HECW1: variants seen among roughly 807,000 people sequenced by gnomAD.
HECW1 encodes the protein HECT, C2 and WW domain containing E3 ubiquitin protein ligase 1.
HECW1 carries 61 observed loss-of-function variants against 182.3 expected under a neutral mutation model. The observed-to-expected ratio is 0.33, with a 90% CI of 0.27 to 0.41. The LOEUF (loss-of-function observed/expected upper bound fraction) is 0.41. HECW1 is among the 10% of genes least tolerant of loss of function. The pLI is 1.00. For missense variants in HECW1, 1,739 were observed against 2,108.9 expected, an observed-to-expected ratio of 0.82 and a Z score of 3.44; for synonymous variants, 859 against 832.6, an observed-to-expected ratio of 1.03 and a Z score of -0.55.
At chr7:43,549,387 A>T (rs1304106821) in intron 26 of HECW1, among the ~76,000 whole-genome samples, 3 of 152,204 alleles carry the variant, frequency 2.0e-5, no homozygotes, top group Admixed American at 6.5e-5. Context: ...TTGTTTAGGT[A>T]CCTGTGTCCA....
chr7:43,411,094 G>A (rs1584808305), intron 8 of HECW1, among the ~76,000 whole-genome samples: 2 of 146,016 alleles, frequency 1.4e-5, no homozygotes, highest in African/African-American at 5.1e-5. Context: ...CTTGCTTTTA[G>A]ACTTACATTT....
rs1799132462 is a variant in HECW1, at chr7:43,244,031, G to T, written c.27+99G>T. ...TGTGCCTCAGCCTAGGGCCATTGCG[G>T]TTGCCCAGCCCAGGAATTATCTCAA... On this transcript the variant is annotated intron_variant, in intron 3 of 29. Coordinates refer to ENST00000395891, the MANE Select transcript of HECW1 (RefSeq NM_015052.5). 3.1e-6 allele frequency: 3 copies of T among 960,446 alleles called. No individual in the cohort carries two copies. In the African/African-American group the frequency reaches 4.8e-5, roughly 15 times the overall value. 59.5% of individuals were successfully genotyped at this position (960,446 alleles called of 1,614,324 possible).
At chr7:43,557,502 A>G (rs2082068088) in intron 29 of HECW1, among the ~76,000 whole-genome samples, 1 of 152,246 alleles carries the variant, frequency 6.6e-6, no homozygotes, top group Non-Finnish European at 1.5e-5. Flanking sequence ...TCATAGTTGA[A>G]GTAGATGAGA....
intron 15 of HECW1, 28 bp downstream of exon 15, chr7:43,466,596 G>A (rs749267968): frequency 4.6e-5 from 74 of 1,605,520 alleles, no homozygotes; most frequent in East Asian, 8.9e-5. Flanking sequence ...CAGAGGGGGC[G>A]GCCTGGCTCG....
intron 3 of HECW1, among the ~76,000 whole-genome samples, chr7:43,296,141 A>G (rs1806019031): frequency 6.6e-6 from 1 of 152,246 alleles, no homozygotes; most frequent in Admixed American, 6.5e-5. Flanking sequence ...GAATTCTTCT[A>G]CTATAATAGT....
chr7:43,194,718 G>A (rs1406266143), intron 2 of HECW1, among the ~76,000 whole-genome samples: 1 of 150,532 alleles, frequency 6.6e-6, no homozygotes, highest in Non-Finnish European at 1.5e-5. Context: ...TTTTGAGATG[G>A]AGTCTCACTC....
chr7:43,532,144 G>A (rs1260896107), intron 24 of HECW1, among the ~76,000 whole-genome samples: 2 of 152,140 alleles, frequency 1.3e-5, no homozygotes, highest in African/African-American at 2.4e-5. Context: ...ATGGCACCCG[G>A]TTGCTCTGGC....
intron 2 of HECW1, among the ~76,000 whole-genome samples, chr7:43,139,397 C>T (rs1030934219): frequency 6.6e-6 from 1 of 152,180 alleles, no homozygotes; most frequent in Non-Finnish European, 1.5e-5. Flanking sequence ...TCAAAAGACC[C>T]CCTGCATAGA....
intron 3 of HECW1, among the ~76,000 whole-genome samples, chr7:43,285,556 T>C (rs1804535407): frequency 6.6e-6 from 1 of 152,094 alleles, no homozygotes; most frequent in Non-Finnish European, 1.5e-5. Context: ...ACACCTATAA[T>C]CCCAGCACTT....
intron 24 of HECW1, among the ~76,000 whole-genome samples, chr7:43,528,646 G>A (rs919559212): frequency 6.6e-6 from 1 of 152,130 alleles, no homozygotes; most frequent in African/African-American, 2.4e-5. Flanking sequence ...TAAAAGAGAG[G>A]CACACCGCAC....
Position 43,158,594 on chromosome 7 carries a change from C to G in HECW1, c.-32+44203C>G, listed in dbSNP as rs181933286. On this transcript the variant is annotated intron_variant, in intron 2 of 29. Coordinates refer to ENST00000395891, the MANE Select transcript of HECW1 (RefSeq NM_015052.5). ...AACTGGATATTTCATGAACACCTTT[C>G]ATGTGGATATTCTCCTGCACAATCC... Among the ~76,000 whole-genome samples, 132 of 152,262 alleles carry G rather than the reference C, an allele frequency of 8.7e-4. 1 individual carries two copies. The highest frequency in any genetic ancestry group is 6.8e-3 in the Middle Eastern group (2 of 294).
chr7:43,360,814 C>A, intron 5 of HECW1, 72 bp from the exon 6 acceptor site: 1 of 1,093,246 alleles, frequency 9.1e-7, no homozygotes, highest in Non-Finnish European at 1.4e-6. Flanking sequence ...TTAGAGATGT[C>A]CTCTGTGGCC....
At chr7:43,511,297 G>C (rs2079855692) in intron 24 of HECW1, 2 of 152,218 alleles carry the variant, frequency 1.3e-5, no homozygotes, top group South Asian at 4.1e-4. Flanking sequence ...GTAGCTTTCT[G>C]AGCCGACTAG....
chr7:43,556,765 T>C (rs1472657577), intron 29 of HECW1, among the ~76,000 whole-genome samples: 3 of 150,504 alleles, frequency 2.0e-5, no homozygotes, highest in Non-Finnish European at 4.4e-5. Flanking sequence ...GAAATGAGAG[T>C]CATTGCTTCT....
intron 3 of HECW1, among the ~76,000 whole-genome samples, chr7:43,271,889 A>G (rs1802443788): frequency 6.6e-6 from 1 of 152,178 alleles, no homozygotes; most frequent in Non-Finnish European, 1.5e-5. Flanking sequence ...TTGAATAGCC[A>G]AAGAAATCCT....
intron 6 of HECW1, among the ~76,000 whole-genome samples, chr7:43,382,809 A>ATTTATTATCTTACTTTAAGTTCTGGGAT (rs2074610860): frequency 2.0e-5 from 3 of 152,316 alleles, no homozygotes; most frequent in South Asian, 4.1e-4. Context: ...ACATGTGCTA[A>ATTTATTATCTTACTTTAAGTTCTGGGAT]ACATGCAGGT....
At chr7:43,451,403 A>G (rs1584949050) in intron 12 of HECW1, among the ~76,000 whole-genome samples, 1 of 152,336 alleles carries the variant, frequency 6.6e-6, no homozygotes, top group East Asian at 1.9e-4. Flanking sequence ...ACTTCCATCC[A>G]TAGGGAATAG....
intron 2 of HECW1, among the ~76,000 whole-genome samples, chr7:43,142,870 G>A (rs1788314459): frequency 6.9e-6 from 1 of 143,984 alleles, no homozygotes; most frequent in African/African-American, 2.4e-5. Context: ...ACAGGTCCCA[G>A]ATCTGTAAAA....
chr7:43,549,674 C>T (rs777924531), intron 26 of HECW1, among the ~76,000 whole-genome samples: 1 of 152,180 alleles, frequency 6.6e-6, no homozygotes, highest in African/African-American at 2.4e-5. Context: ...CAAGTGGCAG[C>T]GCCATTTGCT....
Sources: allele counts gnomAD v4.1 joint callset (sites outside exome capture counted in the v4.1 genomes callset), GRCh38; gene constraint gnomAD v4.1.1; transcripts MANE v1.5; gene names NCBI Gene and HGNC (gene_info 2026-07-23, HGNC 2026-07-21).